Variants in APP observed in about 807,000 individuals in gnomAD.
The protein encoded by APP is amyloid-beta precursor protein.
APP carries 31 observed loss-of-function variants against 101.4 expected under a neutral mutation model. The ratio of observed to expected loss-of-function variants is 0.31; its 90% CI spans 0.23 to 0.41. APP has a LOEUF of 0.41. Among genes scored for constraint, APP ranks in the 10% least tolerant of loss-of-function variants. APP has a pLI of 1.00. For synonymous variants in APP, 366 were observed against 364.4 expected (o/e 1.00, Z -0.05); for missense variants, 839 against 1,003.7 (o/e 0.84, Z 2.22).
chr21:25,905,776 G>A (rs189978291), intron 14 of APP, among the ~76,000 whole-genome samples: 2 of 152,058 alleles, frequency 1.3e-5, no homozygotes, highest in Non-Finnish European at 2.9e-5. Context: ...TTCTGGGTCC[G>A]ACCCAAAGAA....
intron 3 of APP, among the ~76,000 whole-genome samples, chr21:26,055,570 G>C (rs749815728): frequency 3.3e-5 from 5 of 152,158 alleles, no homozygotes; most frequent in Non-Finnish European, 5.9e-5. Context: ...ACTAACCCTA[G>C]CTGCTTGGAA....
intron 2 of APP, among the ~76,000 whole-genome samples, chr21:26,090,415 A>T (rs2061798168): frequency 6.6e-6 from 1 of 152,184 alleles, no homozygotes; most frequent in African/African-American, 2.4e-5. Context: ...CTATCCACTA[A>T]GAGTCAAGCC....
intron 13 of APP, chr21:25,941,310 T>G (rs2040567599): frequency 6.6e-6 from 1 of 152,186 alleles, no homozygotes; most frequent in Non-Finnish European, 1.5e-5. Context: ...TGTCTCAGGT[T>G]ATTTTGAGGA....
At chr21:26,154,606 G>T (rs1250806591) in intron 1 of APP, among the ~76,000 whole-genome samples, 1 of 152,150 alleles carries the variant, frequency 6.6e-6, no homozygotes, top group Non-Finnish European at 1.5e-5. Flanking sequence ...TTAACTGATA[G>T]CAACAACCTA....
chr21:25,974,651 G>A (rs575391579), intron 11 of APP, among the ~76,000 whole-genome samples: 6 of 152,328 alleles, frequency 3.9e-5, no homozygotes, highest in African/African-American at 4.8e-5. Context: ...CTCTGCAACT[G>A]TGAGAAATAA....
chr21:26,105,827 C>T (rs1253272607), intron 2 of APP, among the ~76,000 whole-genome samples: 1 of 152,208 alleles, frequency 6.6e-6, no homozygotes, highest in Non-Finnish European at 1.5e-5. Flanking sequence ...CCTCACCTCG[C>T]CCTGTCCAGC....
chr21:25,970,708 C>T (rs1162859698), intron 11 of APP, among the ~76,000 whole-genome samples: 3 of 152,180 alleles, frequency 2.0e-5, no homozygotes, highest in African/African-American at 4.8e-5. Flanking sequence ...CACAGTGACT[C>T]GCGGCTCTAC....
intron 8 of APP, among the ~76,000 whole-genome samples, chr21:25,986,698 C>T (rs1395411460): frequency 1.3e-5 from 2 of 152,122 alleles, no homozygotes; most frequent in African/African-American, 4.8e-5. Flanking sequence ...GAAACTCCGT[C>T]TCAAACAAAC....
intron 14 of APP, among the ~76,000 whole-genome samples, chr21:25,910,277 G>A (rs754038873): frequency 1.1e-4 from 17 of 151,920 alleles, no homozygotes; most frequent in African/African-American, 2.2e-4. Context: ...ACAGGTGCCC[G>A]CCACCACGCC....
At chr21:25,973,526 T>C (rs1392987857) in intron 11 of APP, among the ~76,000 whole-genome samples, 1 of 152,154 alleles carries the variant, frequency 6.6e-6, no homozygotes, top group Non-Finnish European at 1.5e-5. Context: ...GCCTGGAACA[T>C]TTACACGCCT....
intron 3 of APP, among the ~76,000 whole-genome samples, chr21:26,067,108 C>G (rs886927044): frequency 6.6e-6 from 1 of 152,120 alleles, no homozygotes. Flanking sequence ...GGCCACATAT[C>G]TAATTTAAAA....
At chr21:26,082,876 C>T (rs910009967) in intron 3 of APP, among the ~76,000 whole-genome samples, 4 of 152,106 alleles carry the variant, frequency 2.6e-5, no homozygotes, top group African/African-American at 9.7e-5. Flanking sequence ...TTTTATTGGT[C>T]AATTTTGTAG....
chr21:26,013,012 A>AC (rs934277663), intron 6 of APP, among the ~76,000 whole-genome samples: 258 of 96,766 alleles, frequency 2.7e-3, no homozygotes, highest in African/African-American at 8.0e-3. Flanking sequence ...ACAAAACAAA[A>AC]CAAACAAACA....
rs201326163 is a variant in APP at position 25,976,039 on chromosome 21, A to T, written c.1225-11T>A. 163 of 1,607,978 alleles carry T rather than the reference A, an allele frequency of 1.0e-4. 3 individuals carry two copies. The South Asian group carries it at 1.5e-3, about 15-fold the overall frequency. The stretch of plus-strand genomic sequence containing the variant: ...CCATTCTCTCATGACCTATAAATTA[A>T]GGAAACATTTGAATTTAAAATCATC... On this transcript the variant is annotated splice_polypyrimidine_tract_variant and intron_variant, in intron 9 of 17. Transcript: ENST00000346798.
chr21:25,884,665 C>G (rs189093602), intron 17 of APP, among the ~76,000 whole-genome samples: 5 of 152,124 alleles, frequency 3.3e-5, no homozygotes, highest in Non-Finnish European at 7.3e-5. Context: ...CCCATCACCT[C>G]GAAACTGAGA....
chr21:26,145,750 TAC>T (rs916618903), intron 1 of APP, among the ~76,000 whole-genome samples: 11 of 152,084 alleles, frequency 7.2e-5, no homozygotes, highest in African/African-American at 2.7e-4. Context: ...ACTGACATAA[TAC>T]ACATATAAAT....
chr21:25,928,026 T>A (rs1049715443), intron 13 of APP, among the ~76,000 whole-genome samples: 1 of 152,086 alleles, frequency 6.6e-6, no homozygotes, highest in African/African-American at 2.4e-5. Context: ...GCCTGGGTTG[T>A]CAGGAACTTA....
chr21:25,887,993 G>A (rs1031835682), intron 17 of APP, among the ~76,000 whole-genome samples: 2 of 151,778 alleles, frequency 1.3e-5, no homozygotes, highest in Admixed American at 1.3e-4. Flanking sequence ...TCCTATCTCT[G>A]TGATCTTCTG....
At chr21:26,100,994 A>T (rs1383176249) in intron 2 of APP, among the ~76,000 whole-genome samples, 1 of 152,054 alleles carries the variant, frequency 6.6e-6, no homozygotes, top group East Asian at 1.9e-4. Flanking sequence ...ACCTTCAAGA[A>T]GCCCCTAGAC....
Sources: gnomAD v4.1 joint callset for allele counts (sites outside exome capture counted in the v4.1 genomes callset) on GRCh38, gnomAD v4.1.1 for gene constraint, MANE v1.5 for transcripts, NCBI Gene and HGNC (gene_info 2026-07-23, HGNC 2026-07-21) for gene names.